Variants in SYNE1 observed in about 807,000 individuals in gnomAD.
The protein encoded by SYNE1 is spectrin repeat containing nuclear envelope protein 1, also known as nesprin-1.
A neutral mutation model predicts 1,111.0 loss-of-function variants in SYNE1; 616 were observed. The ratio of observed to expected loss-of-function variants is 0.55; its 90% CI spans 0.52 to 0.59. SYNE1 has a LOEUF of 0.59. Ranked by LOEUF, SYNE1 falls within the 20% of genes least tolerant of loss-of-function variation. The probability of loss-of-function intolerance (pLI) is 0.00; values close to 1 mark genes in which losing one functional copy is unlikely to be tolerated. For missense variants in SYNE1, 10,006 were observed against 10,417.0 expected (o/e 0.96, Z 1.72); for synonymous variants, 3,855 against 3,825.8 (o/e 1.01, Z -0.28).
chr6:152,332,927 G>T (rs1444815437), intron 77 of SYNE1, among the ~76,000 whole-genome samples: 1 of 152,088 alleles, frequency 6.6e-6, no homozygotes, highest in Non-Finnish European at 1.5e-5. Flanking sequence ...GGTGTCTGTG[G>T]GGCCTACTGT....
At chr6:152,457,833 A>G (rs1031983825) in intron 22 of SYNE1, among the ~76,000 whole-genome samples, 3 of 151,892 alleles carry the variant, frequency 2.0e-5, no homozygotes, top group African/African-American at 7.2e-5. Context: ...GCAAGGCAGC[A>G]GGTAATGCCT....
rs770780131 is a variant in SYNE1, at chr6:152,416,924, T to A, written c.5513A>T (p.Asp1838Val). ...AGCCTTTCCCTGCAGGAGGTGGAGG[T>A]CCTCAGCACGGCCCAGAGAACCCAA... is the stretch of plus-strand genomic sequence containing the variant. ...AKLGSLGRAEDLHLLQGKAED... is the reference protein window; with the variant it reads ...AKLGSLGRAEVLHLLQGKAED... Residue 1838 changes from aspartate to valine, a missense_variant, in exon 41 of 146, where the codon GAC becomes GTC. Asp to Val is a radical substitution (Grantham distance 152, BLOSUM62 -3). Coordinates refer to ENST00000367255, the MANE Select transcript of SYNE1 (RefSeq NM_182961.4). The A allele has an allele frequency of 1.2e-6, 2 of 1,613,908 alleles. No homozygotes were observed. The highest frequency in any genetic ancestry group is 1.1e-5 in the South Asian group (1 of 91,058).
At chr6:152,332,003 T>C in intron 77 of SYNE1, 113 bp from the exon 78 acceptor site, 1 of 1,484,344 alleles carries the variant, frequency 6.7e-7, no homozygotes, top group African/African-American at 1.4e-5. Flanking sequence ...TGAGTTTTGC[T>C]CTTGTTTCCC....
chr6:152,264,111 A>G (rs2092414481), intron 100 of SYNE1, among the ~76,000 whole-genome samples: 1 of 144,892 alleles, frequency 6.9e-6, no homozygotes, highest in South Asian at 2.4e-4. Context: ...CGGGAGGCTG[A>G]GGCAGGAGAA....
intron 34 of SYNE1, 75 bp downstream of exon 34, chr6:152,433,720 G>T: frequency 6.4e-7 from 1 of 1,555,012 alleles, no homozygotes; most frequent in Non-Finnish European, 8.9e-7. Context: ...GGACCGAACA[G>T]CATTTGATGA....
chr6:152,372,319 C>T (rs947894133), intron 59 of SYNE1, among the ~76,000 whole-genome samples: 8 of 152,126 alleles, frequency 5.3e-5, no homozygotes, highest in Admixed American at 3.9e-4. Flanking sequence ...AGGAAATACA[C>T]ATTTTCTCTT....
At chr6:152,361,845 TA>T (rs71749478) in intron 64 of SYNE1, among the ~76,000 whole-genome samples, 78,431 of 137,614 alleles carry the variant, frequency 0.57, 21,428 homozygotes, top group Non-Finnish European at 0.62. Flanking sequence ...AGGGATGTGA[TA>T]AAAAAAAAAA....
chr6:152,353,171 A>T, intron 69 of SYNE1, 92 bp downstream of exon 69: 1 of 1,495,782 alleles, frequency 6.7e-7, no homozygotes. Flanking sequence ...AATGGTTGGG[A>T]TGATCACCTG....
At chr6:152,599,189 C>T (rs74664164) in intron 3 of SYNE1, among the ~76,000 whole-genome samples, 2,030 of 152,280 alleles carry the variant, frequency 0.013, 20 homozygotes, top group Non-Finnish European at 0.021. Context: ...CTCAAATGAT[C>T]ACCAATTTTA....
At chr6:152,139,918 T>C (rs745510943) in intron 140 of SYNE1, 32 bp downstream of exon 140, 2 of 1,509,214 alleles carry the variant, frequency 1.3e-6, no homozygotes, top group Admixed American at 2.1e-5. Flanking sequence ...GCTCTCTGTT[T>C]GTCCGCCGTG....
chr6:152,286,147 TTAAA>T (rs1211951593), intron 95 of SYNE1, among the ~76,000 whole-genome samples: 1 of 152,180 alleles, frequency 6.6e-6, no homozygotes, highest in African/African-American at 2.4e-5. Flanking sequence ...CAATTAATTT[TTAAA>T]TAAACTATTA....
chr6:152,615,252 T>A (rs1257865992), intron 3 of SYNE1, among the ~76,000 whole-genome samples: 1 of 152,214 alleles, frequency 6.6e-6, no homozygotes, highest in Non-Finnish European at 1.5e-5. Context: ...TGAAGTTTGC[T>A]TTTTAAAAAA....
chr6:152,354,848 C>T lies in SYNE1; in HGVS notation c.10737G>A (p.Trp3579Ter). The T allele has an allele frequency of 6.2e-7, 1 of 1,614,194 alleles. No individual in the cohort carries two copies. The highest frequency in any genetic ancestry group is 8.5e-7 in the Non-Finnish European group (1 of 1,180,046). ...CGGACAGCCTGTGCTGGTAAGCCTG[C>T]CAGTCTTGCCGGAGAGACTCTAAAG... Reference protein sequence around the residue: ...DRALESLRQDWQAYQHRLSET... With the variant: ...DRALESLRQD The change falls in exon 67 of 146, where the codon TGG becomes TGA. Residue 3579 changes from tryptophan (W) to a stop codon, truncating the protein, a stop_gained. Transcript: ENST00000367255. LOFTEE classifies it high-confidence loss of function.
chr6:152,429,273 G>A (rs1271670428), intron 36 of SYNE1, among the ~76,000 whole-genome samples: 1 of 151,932 alleles, frequency 6.6e-6, no homozygotes, highest in African/African-American at 2.4e-5. Context: ...ACTTGCTTTA[G>A]GAAATCTAAA....
Position 152,461,313 on chromosome 6 carries a change from T to C in SYNE1, c.2394+284A>G, listed in dbSNP as rs574714493. Among the ~76,000 whole-genome samples, 85 of 152,292 alleles carry C rather than the reference T, an allele frequency of 5.6e-4. 1 individual carries two copies. Among genetic ancestry groups the C allele is most frequent in the African/African-American group, 1.8e-3 (75 of 41,556 alleles). On this transcript the variant is annotated intron_variant, in intron 21 of 145. Coordinates refer to ENST00000367255, the MANE Select transcript of SYNE1 (RefSeq NM_182961.4). ...TCTCCTTTTTCTCTTTATCTCTCTT[T>C]CCCTCTCTTGGTTTTATCACATGTA... is the stretch of plus-strand genomic sequence containing the variant.
chr6:152,605,495 C>G (rs1432944979), intron 3 of SYNE1, among the ~76,000 whole-genome samples: 1 of 152,126 alleles, frequency 6.6e-6, no homozygotes, highest in African/African-American at 2.4e-5. Flanking sequence ...TTTTGGATAA[C>G]AGGAAATAGT....
At chr6:152,548,684 C>T in intron 3 of SYNE1, among the ~76,000 whole-genome samples, 1 of 152,122 alleles carries the variant, frequency 6.6e-6, no homozygotes, top group Middle Eastern at 3.2e-3. Flanking sequence ...GATGAATGTA[C>T]TTTCCATGCA....
At chr6:152,322,649 C>A (rs1339884605) in intron 82 of SYNE1, among the ~76,000 whole-genome samples, 2 of 152,172 alleles carry the variant, frequency 1.3e-5, no homozygotes, top group Non-Finnish European at 1.5e-5. Flanking sequence ...TAATAGCTCT[C>A]AATGGTTTCC....
chr6:152,418,497 T>A (rs1386845501), intron 40 of SYNE1, among the ~76,000 whole-genome samples: 1 of 152,234 alleles, frequency 6.6e-6, no homozygotes, highest in Non-Finnish European at 1.5e-5. Context: ...TGTTGCTATA[T>A]GCGTACTATG....
Sources: gnomAD v4.1 joint callset for allele counts (sites outside exome capture counted in the v4.1 genomes callset) on GRCh38, gnomAD v4.1.1 for gene constraint, MANE v1.5 for transcripts, NCBI Gene and HGNC (gene_info 2026-07-23, HGNC 2026-07-21) for gene names.